CCDC9: variants seen among roughly 807,000 people sequenced by gnomAD.
CCDC9 encodes coiled-coil domain-containing protein 9.
CCDC9 carries 52 observed loss-of-function variants against 65.6 expected under a neutral mutation model. The ratio of observed to expected loss-of-function variants is 0.79; its 90% CI spans 0.63 to 1.00. The LOEUF is 1.00. CCDC9 is among the 50% of genes least tolerant of loss of function. The pLI is 0.00. For missense variants in CCDC9, 834 were observed against 757.2 expected (o/e 1.10, Z -1.19); for synonymous variants, 332 against 280.3 (o/e 1.18, Z -1.84).
chr19:47,263,846 G>A (rs2059062048), intron 5 of CCDC9, among the ~76,000 whole-genome samples: 1 of 151,522 alleles, frequency 6.6e-6, no homozygotes, highest in Admixed American at 6.6e-5. Flanking sequence ...ATACAGGCGT[G>A]AGCCACTGTG....
intron 5 of CCDC9, among the ~76,000 whole-genome samples, chr19:47,262,675 C>G (rs537933105): frequency 1.3e-5 from 2 of 152,236 alleles, no homozygotes; most frequent in South Asian, 4.1e-4. Context: ...ACTTAGACAC[C>G]TGGTCATACC....
chr19:47,258,064 G>C (rs1395248673), intron 1 of CCDC9: 4 of 414,218 alleles, frequency 9.7e-6, no homozygotes, highest in Non-Finnish European at 1.3e-5. Flanking sequence ...CTTAAGCAGT[G>C]GGTGGGGGCC....
rs532620209 is a variant in CCDC9, at chr19:47,260,827, C to T, written c.450C>T (p.Asp150=). The change falls in exon 5 of 12, where the codon GAC becomes GAT. Residue 150 remains aspartate (D), a synonymous_variant. Transcript: ENST00000221922. ...LSGAGDTSIS[D]RKSKEWEERR... ...GAGCTGGAGACACCTCAATCTCTGA[C>T]CGTAAATCCAAGGTAGGAGCTAGGC... The T allele has an allele frequency of 4.3e-6, 7 of 1,612,704 alleles. No individual in the cohort carries two copies. Among genetic ancestry groups the T allele is most frequent in the Non-Finnish European group, 5.9e-6 (7 of 1,179,454 alleles).
At chr19:47,259,206 G>T (rs181435453) in intron 3 of CCDC9, among the ~76,000 whole-genome samples, 1 of 152,214 alleles carries the variant, frequency 6.6e-6, no homozygotes, top group South Asian at 2.1e-4. Context: ...GGAGCTTCAA[G>T]TTGGAGGGTT....
downstream of CCDC9, chr19:47,273,896 T>C (rs2059139980): frequency 1.1e-6 from 1 of 872,652 alleles, no homozygotes; most frequent in African/African-American, 1.8e-5. Flanking sequence ...GGCTTTTCTG[T>C]GGCGGAAGAG....
chr19:47,274,784 G>T (rs1425110193), downstream of CCDC9: 10 of 450,732 alleles, frequency 2.2e-5, no homozygotes, highest in East Asian at 6.2e-5. Context: ...AGCTCGCGTG[G>T]GGGCGTGACC....
rs778263022 is a variant in CCDC9 at position 47,260,583 on chromosome 19, TC to T, written c.211-3del. On this transcript the variant is annotated splice_region_variant and splice_polypyrimidine_tract_variant and intron_variant, in intron 4 of 11. Coordinates refer to ENST00000221922, the MANE Select transcript of CCDC9 (RefSeq NM_015603.3). ...ACTGTATTTTCCCCATCTCCCCTCT[TC>T]CAGGAGAAGAACCTGGGTCCTTCCC... The T allele has an allele frequency of 2.0e-6, 3 of 1,531,032 alleles. No homozygotes were observed. Among genetic ancestry groups the T allele is most frequent in the Non-Finnish European group, 1.7e-6 (2 of 1,147,062 alleles). The allele number at this position is 1,531,032 out of a possible 1,614,324, so 94.8% of individuals were successfully genotyped here.
At chr19:47,264,984 G>A (rs1232729319) in intron 7 of CCDC9, 38 bp downstream of exon 7, 1 of 1,420,094 alleles carries the variant, frequency 7.0e-7, no homozygotes, top group Admixed American at 2.9e-5. Flanking sequence ...GGGCTCTCAG[G>A]GCTTTGATGG....
rs143618657 is a variant in CCDC9 at position 47,266,784 on chromosome 19, C to A, written c.894C>A (p.Thr298=). ...QWRREWDAEK[T]DGMFKDGPVP... is the part of the protein sequence containing the mutation. ...GGCGCGAGTGGGATGCCGAGAAGAC[C>A]GATGGGATGTGAGTCTCCTCCCCGC... The change falls in exon 8 of 12, where the codon ACC becomes ACA. Residue 298 remains threonine (T), a synonymous_variant. Coordinates refer to ENST00000221922, the MANE Select transcript of CCDC9 (RefSeq NM_015603.3). 1.9e-6 allele frequency: 3 copies of A among 1,607,686 alleles called. No individual in the cohort carries two copies. Among genetic ancestry groups the A allele is most frequent in the Non-Finnish European group, 2.5e-6 (3 of 1,177,272 alleles).
At chr19:47,256,683 A>G (rs2059011227) in intron 1 of CCDC9, 74 bp downstream of exon 1, 1 of 66,484 alleles carries the variant, frequency 1.5e-5, no homozygotes, top group Non-Finnish European at 3.4e-5. Context: ...GGGGAGTGCG[A>G]ACAGGCCCGG....
At chr19:47,266,552 G>A in intron 7 of CCDC9, 59 bp from the exon 8 acceptor site, 4 of 1,451,040 alleles carry the variant, frequency 2.8e-6, no homozygotes, top group Non-Finnish European at 3.6e-6. Flanking sequence ...GTGCCTCGGG[G>A]CTTAGGGGCG....
rs1213826063 is a variant in CCDC9, at chr19:47,265,358, A to AT, written c.720+416dup. ...GTGTGAGCCACTGTGCTTGCCCAGG[A>AT]TTTTAATTATTAAGGATTTATGGTA... On this transcript the variant is annotated intron_variant, in intron 7 of 11. Transcript: ENST00000221922. 4.6e-5 allele frequency among the ~76,000 whole-genome samples: 7 copies of AT among 151,956 alleles called. No individual in the cohort carries two copies. In the East Asian group the frequency reaches 1.4e-3, roughly 30 times the overall value.
downstream of CCDC9, chr19:47,273,980 C>T: frequency 1.0e-6 from 1 of 985,022 alleles, no homozygotes; most frequent in Non-Finnish European, 1.2e-6. Context: ...CCCCGAATTC[C>T]TGAAGACGCT....
chr19:47,267,113 C>T (rs574857524), intron 8 of CCDC9, among the ~76,000 whole-genome samples: 159 of 152,040 alleles, frequency 1.0e-3, no homozygotes, highest in Non-Finnish European at 1.8e-3. Context: ...TACAGGCGTC[C>T]GCCACCACGT....
intron 5 of CCDC9, among the ~76,000 whole-genome samples, chr19:47,261,999 C>T (rs2059049030): frequency 6.8e-6 from 1 of 148,086 alleles, no homozygotes; most frequent in Non-Finnish European, 1.5e-5. Context: ...CCAGCCTGGA[C>T]AACAAGAGTG....
chr19:47,257,744 C>A (rs1052288327), intron 1 of CCDC9: 8 of 155,410 alleles, frequency 5.1e-5, no homozygotes, highest in African/African-American at 1.9e-4. Flanking sequence ...ACTAGGACGT[C>A]CCTGAGGAAG....
intron 8 of CCDC9, among the ~76,000 whole-genome samples, chr19:47,269,358 T>G (rs1256432334): frequency 6.6e-6 from 1 of 151,546 alleles, no homozygotes; most frequent in Admixed American, 6.6e-5. Flanking sequence ...ATTATCTTTT[T>G]TTTTTTGTTT....
At chr19:47,270,189 G>C (rs1445210568) in intron 8 of CCDC9, among the ~76,000 whole-genome samples, 1 of 151,930 alleles carries the variant, frequency 6.6e-6, no homozygotes, top group Non-Finnish European at 1.5e-5. Context: ...CGCTGGTCTT[G>C]AACTCCTGGG....
In CCDC9 at chr19:47,271,688, C is replaced by CCT. The variant is rs752831181; in HGVS notation, c.*11_*12dup. ...TTTTGAGAGTGTATGAAGCTGGCTG[C>CCT]CTGTGTGTGTGTGTGTGTGTGTGTG... On this transcript the variant is annotated 3_prime_UTR_variant, in exon 12 of 12. Coordinates refer to ENST00000221922, the MANE Select transcript of CCDC9 (RefSeq NM_015603.3). 1,347 of 1,367,286 alleles carry CCT rather than the reference C, an allele frequency of 9.9e-4. 12 individuals carry two copies. In the African/African-American group the frequency reaches 0.018, roughly 18 times the overall value. The allele number at this position is 1,367,286 out of a possible 1,614,324, so 84.7% of individuals were successfully genotyped here.
Sources: gnomAD v4.1 joint callset for allele counts (sites outside exome capture counted in the v4.1 genomes callset) on GRCh38, gnomAD v4.1.1 for gene constraint, MANE v1.5 for transcripts, NCBI Gene and HGNC (gene_info 2026-07-23, HGNC 2026-07-21) for gene names.